The following NRP2 variants were observed in gnomAD, a reference collection of about 807,000 sequenced individuals.
NRP2 encodes the protein neuropilin-2.
A neutral mutation model predicts 110.4 loss-of-function variants in NRP2; 52 were observed. That is an observed-to-expected ratio of 0.47 (90% CI 0.38 to 0.59). NRP2 has a LOEUF of 0.59. Ranked by LOEUF, NRP2 falls within the 20% of genes least tolerant of loss-of-function variation. The pLI, the probability that NRP2 is intolerant of heterozygous loss-of-function variation, is 0.00. For missense variants in NRP2, 1,049 were observed against 1,203.0 expected (o/e 0.87, Z 1.89); for synonymous variants, 508 against 468.9 (o/e 1.08, Z -1.08).
chr2:205,792,150 C>A, intron 15 of NRP2, 85 bp from the exon 16 acceptor site: 1 of 869,324 alleles, frequency 1.2e-6, no homozygotes, highest in South Asian at 1.3e-5. Flanking sequence ...AATGGGGAGT[C>A]ATTCTCGTAA....
At chr2:205,728,854 C>G (rs573897508) in intron 7 of NRP2, among the ~76,000 whole-genome samples, 20 of 152,314 alleles carry the variant, frequency 1.3e-4, no homozygotes, top group African/African-American at 4.8e-4. Flanking sequence ...GGGCACGATG[C>G]CCCCTGCAGA....
At chr2:205,703,070 G>A (rs1200192221) in intron 2 of NRP2, among the ~76,000 whole-genome samples, 1 of 152,228 alleles carries the variant, frequency 6.6e-6, no homozygotes, top group African/African-American at 2.4e-5. Flanking sequence ...ATGGCGCCTA[G>A]TCTAGGAGGG....
intron 15 of NRP2, among the ~76,000 whole-genome samples, chr2:205,783,952 G>C (rs111998690): frequency 9.6e-4 from 141 of 146,960 alleles, no homozygotes; most frequent in African/African-American, 3.2e-3. Context: ...ACTCAGGAAA[G>C]AAAGCAGCAT....
At position 205,703,739 on chromosome 2, in the gene NRP2, G is replaced by A. The variant is rs117496587; in HGVS notation, c.251+6018G>A. Among the ~76,000 whole-genome samples, 5 of 152,320 alleles carry A rather than the reference G, an allele frequency of 3.3e-5. No homozygotes were observed. The East Asian group carries it at 9.6e-4, about 29-fold the overall frequency. On this transcript the variant is annotated intron_variant, in intron 2 of 16. Transcript: ENST00000357785. The stretch of plus-strand genomic sequence containing the variant: ...GGGAGTGTGTTTGGCTGGTGTCATA[G>A]GCAGACAGCAGCATGCCCAAAGACA...
rs746710925 is a variant in NRP2, at chr2:205,743,322, C to A, written c.1411C>A (p.Arg471Ser). ...SPSAARLVSSRSGWFPRIPQA... is the reference protein window; with the variant it reads ...SPSAARLVSSSSGWFPRIPQA... ...CAGTGCAGCCCGCCTGGTTAGCAGC[C>A]GCTCGGGCTGGTTCCCTCGAATCCC... The change falls in exon 9 of 17, where the codon CGC becomes AGC. Residue 471 changes from arginine (R) to serine (S), a missense_variant. Coordinates refer to ENST00000357785, the MANE Select transcript of NRP2 (RefSeq NM_003872.3). 1 of 1,614,166 alleles carries A rather than the reference C, an allele frequency of 6.2e-7. No individual in the cohort carries two copies. The highest frequency in any genetic ancestry group is 8.5e-7 in the Non-Finnish European group (1 of 1,179,978).
intron 15 of NRP2, among the ~76,000 whole-genome samples, chr2:205,784,452 C>A (rs1559367900): frequency 6.6e-6 from 1 of 152,222 alleles, no homozygotes; most frequent in South Asian, 2.1e-4. Context: ...GGCAGCCCCA[C>A]AGCTGGCATT....
At chr2:205,765,371 C>T (rs200351644) in intron 13 of NRP2, 103 bp from the exon 14 acceptor site, 11 of 771,926 alleles carry the variant, frequency 1.4e-5, no homozygotes, top group Non-Finnish European at 2.5e-5. Flanking sequence ...CACACACATA[C>T]ACACACACGC....
chr2:205,731,802 A>G (rs532078890), intron 7 of NRP2, among the ~76,000 whole-genome samples: 11 of 152,310 alleles, frequency 7.2e-5, no homozygotes, highest in African/African-American at 2.6e-4. Context: ...AAGAATTTTC[A>G]GAATTACCCC....
chr2:205,708,506 C>G (rs1331508484), intron 2 of NRP2, among the ~76,000 whole-genome samples: 1 of 152,222 alleles, frequency 6.6e-6, no homozygotes, highest in Non-Finnish European at 1.5e-5. Context: ...AGAGACTTAT[C>G]AGATGCGTTG....
chr2:205,740,818 T>A (rs1278040236), intron 8 of NRP2, among the ~76,000 whole-genome samples, 155 bp downstream of exon 8: 1 of 152,246 alleles, frequency 6.6e-6, no homozygotes, highest in Non-Finnish European at 1.5e-5. Context: ...TTTTCATTCA[T>A]TCATTCAGTA....
intron 7 of NRP2, among the ~76,000 whole-genome samples, chr2:205,735,769 C>G (rs1386102528): frequency 6.6e-6 from 1 of 151,976 alleles, no homozygotes; most frequent in Non-Finnish European, 1.5e-5. Context: ...TCTCAAGAAT[C>G]AATTGAAAAA....
chr2:205,703,982 G>A (rs1241103618), intron 2 of NRP2, among the ~76,000 whole-genome samples: 2 of 152,120 alleles, frequency 1.3e-5, no homozygotes, highest in African/African-American at 2.4e-5. Flanking sequence ...GAGACAGGGT[G>A]GTCAGGAAGC....
intron 13 of NRP2, chr2:205,764,415 G>GCT (rs1001609081): frequency 8.3e-5 from 15 of 179,766 alleles, no homozygotes; most frequent in African/African-American, 2.9e-4. Flanking sequence ...CAGAGTGAGT[G>GCT]CTCTCTCTCT....
chr2:205,743,070 C>A, intron 8 of NRP2, 133 bp from the exon 9 acceptor site: 1 of 1,550,164 alleles, frequency 6.5e-7, no homozygotes, highest in Non-Finnish European at 8.7e-7. Context: ...TGTACACATT[C>A]ACCATGCAAA....
intron 15 of NRP2, chr2:205,776,052 AG>A (rs1439941873): frequency 4.1e-6 from 3 of 738,754 alleles, no homozygotes; most frequent in Non-Finnish European, 7.4e-6. Flanking sequence ...CTACCTCCCA[AG>A]GGGGTAAGTA....
intron 1 of NRP2, among the ~76,000 whole-genome samples, chr2:205,687,889 G>A (rs189417981): frequency 6.6e-6 from 1 of 152,204 alleles, no homozygotes; most frequent in South Asian, 2.1e-4. Context: ...GTGAGGGAGG[G>A]GTCTGGGGTC....
chr2:205,769,575 A>C (rs1294793950), intron 15 of NRP2, among the ~76,000 whole-genome samples: 1 of 151,344 alleles, frequency 6.6e-6, no homozygotes, highest in Non-Finnish European at 1.5e-5. Context: ...GTCAGTAATG[A>C]AGAAAAGCCT....
At chr2:205,765,160 A>AC (rs1295427686) in intron 13 of NRP2, among the ~76,000 whole-genome samples, 1 of 151,896 alleles carries the variant, frequency 6.6e-6, no homozygotes, top group Non-Finnish European at 1.5e-5. Context: ...GGAAGTTTCA[A>AC]CCCCCCTTTC....
intron 7 of NRP2, among the ~76,000 whole-genome samples, chr2:205,737,519 T>G (rs973265194): frequency 6.6e-6 from 1 of 152,142 alleles, no homozygotes; most frequent in Non-Finnish European, 1.5e-5. Flanking sequence ...GTGTTTTGTG[T>G]GTGTGTGTTG....
Sources: allele counts gnomAD v4.1 joint callset (sites outside exome capture counted in the v4.1 genomes callset), GRCh38; gene constraint gnomAD v4.1.1; transcripts MANE v1.5; gene names NCBI Gene and HGNC (gene_info 2026-07-23, HGNC 2026-07-21).